The following DPP6 variants were observed in gnomAD, a reference collection of about 807,000 sequenced individuals.
DPP6 encodes A-type potassium channel modulatory protein DPP6.
In DPP6, 69 loss-of-function variants were observed where a neutral mutation model predicts 122.6. That is an observed-to-expected ratio of 0.56 (90% CI 0.46 to 0.69). DPP6 has a LOEUF of 0.69. Among genes scored for constraint, DPP6 ranks in the 30% least tolerant of loss-of-function variants. The pLI is 0.00. For missense variants in DPP6, 928 were observed against 1,116.9 expected (o/e 0.83, Z 2.41); for synonymous variants, 418 against 433.1 (o/e 0.97, Z 0.43).
chr7:153,983,728 A>G (rs1276501066), intron 1 of DPP6, among the ~76,000 whole-genome samples: 1 of 151,940 alleles, frequency 6.6e-6, no homozygotes, highest in East Asian at 1.9e-4. Flanking sequence ...CCGTGGGAAA[A>G]GCCTAGTATT....
At chr7:153,898,274 A>G (rs1432986512) in intron 1 of DPP6, among the ~76,000 whole-genome samples, 1 of 152,124 alleles carries the variant, frequency 6.6e-6, no homozygotes, top group African/African-American at 2.4e-5. Context: ...GCCACACAAC[A>G]AGACGCCATC....
At chr7:154,362,553 T>A (rs1811817499) in intron 1 of DPP6, among the ~76,000 whole-genome samples, 1 of 151,838 alleles carries the variant, frequency 6.6e-6, no homozygotes, top group African/African-American at 2.4e-5. Context: ...TAGCTGGGAT[T>A]ACAGGTGTGC....
intron 1 of DPP6, among the ~76,000 whole-genome samples, chr7:154,444,172 G>A (rs1038796823): frequency 6.6e-6 from 1 of 152,056 alleles, no homozygotes; most frequent in Non-Finnish European, 1.5e-5. Context: ...TATGAAAAAG[G>A]CTTGGCCAGG....
intron 11 of DPP6, among the ~76,000 whole-genome samples, chr7:154,795,050 C>T (rs1240392424): frequency 6.6e-6 from 1 of 152,080 alleles, no homozygotes; most frequent in Non-Finnish European, 1.5e-5. Flanking sequence ...GACCTTTTAT[C>T]TAACCTGGGG....
At chr7:154,740,107 A>T (rs769299284) in intron 8 of DPP6, among the ~76,000 whole-genome samples, 1 of 152,126 alleles carries the variant, frequency 6.6e-6, no homozygotes, top group African/African-American at 2.4e-5. Context: ...ATGTCCTTAC[A>T]ATTAATGACC....
At chr7:154,172,135 T>A (rs1797564505) in intron 1 of DPP6, among the ~76,000 whole-genome samples, 1 of 123,024 alleles carries the variant, frequency 8.1e-6, no homozygotes, top group Admixed American at 8.2e-5. Flanking sequence ...CCTCCCTCCC[T>A]TCCTTCCTTC....
intron 7 of DPP6, among the ~76,000 whole-genome samples, chr7:154,721,759 A>G (rs1339953273): frequency 6.6e-6 from 1 of 152,102 alleles, no homozygotes; most frequent in Non-Finnish European, 1.5e-5. Context: ...GATTTTTTAT[A>G]AGGGAGACAG....
intron 5 of DPP6, among the ~76,000 whole-genome samples, chr7:154,573,128 G>T (rs1040118080): frequency 6.6e-6 from 1 of 152,092 alleles, no homozygotes; most frequent in Admixed American, 6.6e-5. Flanking sequence ...CTTGATTCTC[G>T]TGCTCTTGGA....
intron 1 of DPP6, among the ~76,000 whole-genome samples, chr7:154,195,476 G>A (rs1238191061): frequency 1.3e-5 from 2 of 151,388 alleles, no homozygotes; most frequent in Non-Finnish European, 2.9e-5. Context: ...TGTTGGGTAA[G>A]AATGGAAACT....
At chr7:153,890,281 A>G (rs1006747123) in intron 1 of DPP6, among the ~76,000 whole-genome samples, 64 of 152,370 alleles carry the variant, frequency 4.2e-4, no homozygotes, top group African/African-American at 1.5e-3. Flanking sequence ...TTGAGGTTTG[A>G]TATTTAAAAA....
intron 11 of DPP6, 28 bp from the exon 12 acceptor site, chr7:154,795,817 C>G (rs775884493): frequency 1.3e-6 from 2 of 1,598,634 alleles, no homozygotes; most frequent in Non-Finnish European, 8.5e-7. Context: ...GAAAAACCCT[C>G]TTGTCTAATG....
chr7:154,551,963 AG>A (rs1288138798), intron 4 of DPP6, among the ~76,000 whole-genome samples: 1 of 152,174 alleles, frequency 6.6e-6, no homozygotes, highest in African/African-American at 2.4e-5. Context: ...TGCTATTGGA[AG>A]TAAGTCTTCC....
intron 1 of DPP6, among the ~76,000 whole-genome samples, chr7:154,077,188 G>C (rs1339614230): frequency 1.3e-5 from 2 of 152,142 alleles, no homozygotes; most frequent in Non-Finnish European, 2.9e-5. Flanking sequence ...TTGTTGCACT[G>C]TTTGTGTAGT....
intron 1 of DPP6, among the ~76,000 whole-genome samples, chr7:154,390,877 C>G (rs1023609335): frequency 6.6e-6 from 1 of 152,150 alleles, no homozygotes; most frequent in Non-Finnish European, 1.5e-5. Flanking sequence ...TTTGTTGGAT[C>G]ACTTGCAGGC....
In DPP6 at chr7:154,443,666, A is replaced by G. The variant is rs910458661; in HGVS notation, c.244-2548A>G. 2.0e-5 allele frequency among the ~76,000 whole-genome samples: 3 copies of G among 149,624 alleles called. No individual in the cohort carries two copies. In the East Asian group the frequency reaches 6.0e-4, roughly 30 times the overall value. ...TGGATGGATGTGGATGAATAGATGGATGGATGGATGAGTGGATGGATGGGT... is the reference window on the plus strand; with the variant it reads ...TGGATGGATGTGGATGAATAGATGGGTGGATGGATGAGTGGATGGATGGGT... On this transcript the variant is annotated intron_variant, in intron 1 of 25. Transcript: ENST00000377770.
In DPP6 at chr7:154,600,910, G is replaced by T. The variant is rs1380415803; in HGVS notation, c.627+33994G>T. 4.2e-5 allele frequency among the ~76,000 whole-genome samples: 5 copies of T among 119,146 alleles called. 1 individual carries two copies. The highest frequency in any genetic ancestry group is 1.3e-4 in the African/African-American group (5 of 37,490). The allele number at this position is 119,146 out of a possible 152,430, so 78.2% of individuals were successfully genotyped here. ...AGTTTGAGACCAGCCTGACCAACAT[G>T]GAGAAACCCCATCTCTACTAAAAAT... On this transcript the variant is annotated intron_variant, in intron 5 of 25. Transcript: ENST00000377770.
chr7:154,590,702 T>C (rs1299395404), intron 5 of DPP6, among the ~76,000 whole-genome samples: 1 of 150,050 alleles, frequency 6.7e-6, no homozygotes, highest in Non-Finnish European at 1.5e-5. Flanking sequence ...ACCCGGCTAA[T>C]TTTGTATGTT....
intron 1 of DPP6, among the ~76,000 whole-genome samples, chr7:154,064,446 C>G (rs917383394): frequency 1.3e-5 from 2 of 152,116 alleles, no homozygotes; most frequent in Non-Finnish European, 2.9e-5. Flanking sequence ...AGTTTTCTTT[C>G]AGCTCTCAGT....
At chr7:154,740,779 C>G (rs1467182304) in intron 8 of DPP6, among the ~76,000 whole-genome samples, 2 of 152,080 alleles carry the variant, frequency 1.3e-5, no homozygotes, top group Non-Finnish European at 2.9e-5. Context: ...TGTCCCCTTC[C>G]TCTCCCCTTT....
Sources: gnomAD v4.1 joint callset for allele counts (sites outside exome capture counted in the v4.1 genomes callset) on GRCh38, gnomAD v4.1.1 for gene constraint, MANE v1.5 for transcripts, NCBI Gene and HGNC (gene_info 2026-07-23, HGNC 2026-07-21) for gene names.